The following ARHGAP32 variants were observed in gnomAD, a reference collection of about 807,000 sequenced individuals.
The protein encoded by ARHGAP32 is Rho GTPase activating protein 32, also known as rho GTPase-activating protein 32.
In ARHGAP32, 51 loss-of-function variants were observed where a neutral mutation model predicts 186.5. That is an observed-to-expected ratio of 0.27 (90% CI 0.22 to 0.35). The LOEUF (loss-of-function observed/expected upper bound fraction) is 0.35, where lower values mean the gene tolerates loss of function less well. ARHGAP32 is among the 10% of genes least tolerant of loss of function. The probability of loss-of-function intolerance (pLI) is 1.00; values close to 1 mark genes in which losing one functional copy is unlikely to be tolerated. For synonymous variants in ARHGAP32, 950 were observed against 964.3 expected (o/e 0.99, Z 0.27); for missense variants, 2,186 against 2,623.5 (o/e 0.83, Z 3.64).
chr11:129,263,145 A>C (rs867109577), intron 1 of ARHGAP32, among the ~76,000 whole-genome samples: 1 of 152,210 alleles, frequency 6.6e-6, no homozygotes, highest in Non-Finnish European at 1.5e-5. Context: ...CTTAGAAGAA[A>C]ACATAGGAGG....
rs1420606236 is a variant in ARHGAP32 at position 128,968,749 on chromosome 11, G to A, written c.*158C>T. 3.6e-6 allele frequency: 2 copies of A among 552,756 alleles called. No individual in the cohort carries two copies. The highest frequency in any genetic ancestry group is 5.6e-6 in the Non-Finnish European group (2 of 357,640). The allele number at this position is 552,756 out of a possible 1,614,324, so 34.2% of individuals were successfully genotyped here. ...ATGGAAGAGGGGGTAATGAAGCAGG[G>A]AAGGGGAAAAAGATGCTGATTTGTT... On this transcript the variant is annotated 3_prime_UTR_variant, in exon 23 of 23. Transcript: ENST00000682385.
At chr11:129,031,122 G>A (rs1458633108) in intron 11 of ARHGAP32, among the ~76,000 whole-genome samples, 2 of 152,052 alleles carry the variant, frequency 1.3e-5, no homozygotes, top group African/African-American at 2.4e-5. Flanking sequence ...TTACAGCAAC[G>A]CTAGAATAGA....
chr11:128,970,482 G>C lies in ARHGAP32; in HGVS notation c.4731C>G (p.Ser1577=), dbSNP rs747023351. ...SRVEYVSSLS[S]SVRNTCYPED... is the part of the protein sequence containing the mutation. ...CGGGGTAACAGGTATTCCTGACAGA[G>C]GAGCTCAAAGAAGACACATACTCGA... is the stretch of plus-strand genomic sequence containing the variant. Residue 1577 remains serine (S), a synonymous_variant, in exon 23 of 23, where the codon TCC becomes TCG. Transcript: ENST00000682385. This position sits in a 1 kb window ranked among gnomAD's most constrained non-coding sequence, Gnocchi z 5.8. 1 of 1,614,168 alleles carries C rather than the reference G, an allele frequency of 6.2e-7. No individual in the cohort carries two copies. The highest frequency in any genetic ancestry group is 1.7e-5 in the Admixed American group (1 of 60,022).
In ARHGAP32 at chr11:128,988,121, C is replaced by T. The variant is rs1013575978; in HGVS notation, c.1200G>A (p.Pro400=). 54 of 1,609,364 alleles carry T rather than the reference C, an allele frequency of 3.4e-5. No homozygotes were observed. The highest frequency in any genetic ancestry group is 4.2e-5 in the Non-Finnish European group (50 of 1,176,876). The change falls in exon 13 of 23, where the codon CCG becomes CCA. Residue 400 remains proline (P), a synonymous_variant. Transcript: ENST00000682385. ...EHLLNSGFEV[P]QVLQSCTAFI... is the part of the protein sequence containing the mutation. ...ATGCTGTGCAGCTTTGAAGAACCTG[C>T]GGCACTAAAGAGAATTTGTAAAGAA...
intron 1 of ARHGAP32, among the ~76,000 whole-genome samples, chr11:129,276,404 G>T (rs2135735705): frequency 6.6e-6 from 1 of 152,274 alleles, no homozygotes; most frequent in Middle Eastern, 3.4e-3. Flanking sequence ...GGGCTCAAGT[G>T]ATCCTTCCAT....
intron 6 of ARHGAP32, among the ~76,000 whole-genome samples, chr11:129,075,314 T>C (rs1052825923): frequency 3.9e-5 from 6 of 152,160 alleles, no homozygotes; most frequent in Non-Finnish European, 7.4e-5. Flanking sequence ...ATACTAATTT[T>C]TTAATTAAAA....
At chr11:129,096,769 A>T (rs1217600594) in intron 5 of ARHGAP32, among the ~76,000 whole-genome samples, 1 of 152,258 alleles carries the variant, frequency 6.6e-6, no homozygotes, top group African/African-American at 2.4e-5. Context: ...AGTGACTGGC[A>T]GCAGACATAA....
intron 11 of ARHGAP32, among the ~76,000 whole-genome samples, chr11:129,025,859 CAT>C (rs1220884137): frequency 6.8e-5 from 10 of 148,138 alleles, no homozygotes; most frequent in South Asian, 2.1e-4. Flanking sequence ...TTATATATAA[CAT>C]ATTATTTAAG....
chr11:129,173,135 C>T (rs146801780), intron 1 of ARHGAP32, among the ~76,000 whole-genome samples: 13 of 152,122 alleles, frequency 8.5e-5, no homozygotes, highest in Non-Finnish European at 1.2e-4. Context: ...AGGGACACCA[C>T]TGACCCCACA....
chr11:129,113,217 C>G (rs1413564785), intron 5 of ARHGAP32, among the ~76,000 whole-genome samples: 2 of 152,122 alleles, frequency 1.3e-5, no homozygotes, highest in Non-Finnish European at 2.9e-5. Context: ...TCACTTTTTA[C>G]TGCAATACAC....
intron 1 of ARHGAP32, among the ~76,000 whole-genome samples, chr11:129,270,138 A>C (rs1174193391): frequency 1.3e-5 from 2 of 152,230 alleles, no homozygotes; most frequent in Non-Finnish European, 2.9e-5. Flanking sequence ...AGGTGAATGA[A>C]TAAATAAACT....
chr11:129,139,604 A>T (rs1373042098), intron 2 of ARHGAP32, among the ~76,000 whole-genome samples: 1 of 152,116 alleles, frequency 6.6e-6, no homozygotes, highest in Non-Finnish European at 1.5e-5. Flanking sequence ...TGTTCTCGTT[A>T]TAATGAGTAA....
At chr11:129,002,174 T>C (rs1946377078) in intron 11 of ARHGAP32, among the ~76,000 whole-genome samples, 1 of 152,134 alleles carries the variant, frequency 6.6e-6, no homozygotes, top group South Asian at 2.1e-4. Context: ...AAATCTGTAG[T>C]TTGGTCTGGG....
chr11:129,140,259 A>G (rs1319753359), intron 2 of ARHGAP32, among the ~76,000 whole-genome samples: 2 of 152,232 alleles, frequency 1.3e-5, no homozygotes, highest in East Asian at 1.9e-4. Flanking sequence ...ATCTACAACC[A>G]TAAGGAACTG....
intron 1 of ARHGAP32, among the ~76,000 whole-genome samples, chr11:129,262,486 C>A (rs1374559262): frequency 6.6e-6 from 1 of 151,820 alleles, no homozygotes; most frequent in East Asian, 1.9e-4. Context: ...TGGGTTCAAG[C>A]GATTCTTATG....
At chr11:129,188,632 CCAA>C (rs1267774984) in intron 1 of ARHGAP32, among the ~76,000 whole-genome samples, 4 of 152,150 alleles carry the variant, frequency 2.6e-5, no homozygotes, top group Non-Finnish European at 5.9e-5. Flanking sequence ...ATGCAACCAA[CCAA>C]CGAGTCAAGT....
intron 1 of ARHGAP32, among the ~76,000 whole-genome samples, chr11:129,242,356 T>C (rs1206881855): frequency 6.6e-6 from 1 of 152,188 alleles, no homozygotes; most frequent in Non-Finnish European, 1.5e-5. Flanking sequence ...CACTCACTTA[T>C]GGTATGCAAT....
At chr11:129,090,042 A>C (rs370956721) in intron 6 of ARHGAP32, among the ~76,000 whole-genome samples, 1 of 152,244 alleles carries the variant, frequency 6.6e-6, no homozygotes, top group African/African-American at 2.4e-5. Context: ...AAGTTACTCA[A>C]CATCAATGAA....
At chr11:129,156,735 C>T (rs1489276085) in intron 2 of ARHGAP32, among the ~76,000 whole-genome samples, 2 of 152,202 alleles carry the variant, frequency 1.3e-5, no homozygotes, top group Admixed American at 1.3e-4. Flanking sequence ...TGCTAAGGGA[C>T]AGACTGCCCC....
Sources: allele counts gnomAD v4.1 joint callset (sites outside exome capture counted in the v4.1 genomes callset), GRCh38; gene constraint gnomAD v4.1.1; non-coding constraint Gnocchi (gnomAD v3.1); transcripts MANE v1.5; gene names NCBI Gene and HGNC (gene_info 2026-07-23, HGNC 2026-07-21).